DIS3L: variants seen among roughly 807,000 people sequenced by gnomAD.
DIS3L encodes the protein DIS3 like exosome 3'-5' exoribonuclease.
Under a neutral mutation model 120.3 loss-of-function variants are expected in DIS3L, and 100 were observed. The observed-to-expected ratio is 0.83, with a 90% CI of 0.71 to 0.98. The LOEUF (loss-of-function observed/expected upper bound fraction) is 0.98, where lower values mean the gene tolerates loss of function less well. Ranked by LOEUF, DIS3L falls within the 50% of genes least tolerant of loss-of-function variation. DIS3L has a pLI of 0.00. For synonymous variants in DIS3L, 426 were observed against 470.6 expected (o/e 0.91, Z 1.23); for missense variants, 1,196 against 1,314.2 (o/e 0.91, Z 1.39).
chr15:66,307,885 C>T (rs193097942), intron 3 of DIS3L, among the ~76,000 whole-genome samples: 8 of 152,304 alleles, frequency 5.3e-5, no homozygotes, highest in Admixed American at 2.0e-4. Flanking sequence ...GAATGTGCCT[C>T]AGAAGTTACC....
chr15:66,305,126 G>T (rs1322701770), intron 2 of DIS3L, among the ~76,000 whole-genome samples: 1 of 146,122 alleles, frequency 6.8e-6, no homozygotes, highest in African/African-American at 2.5e-5. Flanking sequence ...TCAACTTCCT[G>T]AGTAGCTGGG....
intron 3 of DIS3L, 65 bp downstream of exon 3, chr15:66,307,017 T>C: frequency 6.3e-7 from 1 of 1,597,024 alleles, no homozygotes; most frequent in Non-Finnish European, 8.6e-7. Context: ...TCATTGGCTG[T>C]TTGGGAGTTG....
chr15:66,308,956 C>A, intron 4 of DIS3L, 112 bp downstream of exon 4: 1 of 1,315,102 alleles, frequency 7.6e-7, no homozygotes, highest in South Asian at 1.8e-5. Flanking sequence ...ACATTAAGTT[C>A]CATTTTGGCC....
chr15:66,318,903 C>T (rs566360113), intron 8 of DIS3L, among the ~76,000 whole-genome samples: 17 of 152,180 alleles, frequency 1.1e-4, no homozygotes, highest in African/African-American at 4.1e-4. Flanking sequence ...AGCAGTTCCC[C>T]TGCCTCAGCC....
At chr15:66,314,457 G>A (rs561486101) in intron 6 of DIS3L, among the ~76,000 whole-genome samples, 6 of 152,220 alleles carry the variant, frequency 3.9e-5, no homozygotes, top group African/African-American at 9.6e-5. Flanking sequence ...TTGCTTTATT[G>A]GAGTAAATTT....
intron 8 of DIS3L, 139 bp from the exon 9 acceptor site, chr15:66,320,432 A>AAC: frequency 2.4e-6 from 2 of 836,152 alleles, no homozygotes; most frequent in Non-Finnish European, 3.4e-6. Context: ...CAAAAAAAAA[A>AAC]CCCTACCATA....
chr15:66,332,025 GT>G lies in DIS3L; in HGVS notation c.2681+7del. The G allele has an allele frequency of 6.2e-7, 1 of 1,605,010 alleles. No individual in the cohort carries two copies. The highest frequency in any genetic ancestry group is 8.5e-7 in the Non-Finnish European group (1 of 1,177,956). On this transcript the variant is annotated splice_donor_region_variant and intron_variant, in intron 15 of 16. Coordinates refer to ENST00000319212, the MANE Select transcript of DIS3L (RefSeq NM_001143688.3). Reference sequence around the variant, plus strand: ...TGTGCTTCTATTTATACCAAGGTATGTTACATCTAATGCAATGGTGCATAAG... The same window carrying G: ...TGTGCTTCTATTTATACCAAGGTATGTACATCTAATGCAATGGTGCATAAG...
intron 2 of DIS3L, among the ~76,000 whole-genome samples, chr15:66,296,274 A>G (rs2092585319): frequency 6.6e-6 from 1 of 152,228 alleles, no homozygotes; most frequent in African/African-American, 2.4e-5. Context: ...TTCCTGGGAC[A>G]TTCAAAGACA....
At chr15:66,317,354 A>G (rs2092829301) in intron 7 of DIS3L, among the ~76,000 whole-genome samples, 1 of 144,272 alleles carries the variant, frequency 6.9e-6, no homozygotes, top group African/African-American at 2.4e-5. Context: ...GGAAAAAAAA[A>G]AAAAAAAAGA....
intron 2 of DIS3L, among the ~76,000 whole-genome samples, chr15:66,306,128 G>T (rs911483862): frequency 1.3e-5 from 2 of 152,060 alleles, no homozygotes; most frequent in Admixed American, 6.6e-5. Flanking sequence ...ACAGGTGCAC[G>T]CTACCACGCT....
At chr15:66,323,645 G>T in intron 11 of DIS3L, 60 bp downstream of exon 11, 1 of 1,548,872 alleles carries the variant, frequency 6.5e-7, no homozygotes, top group Non-Finnish European at 8.9e-7. Context: ...TCCTGATGCT[G>T]CCTGCTTCTG....
At chr15:66,293,416 GA>G, upstream of DIS3L, 3 of 1,159,770 alleles carry the variant, frequency 2.6e-6, no homozygotes, top group Non-Finnish European at 1.1e-6. Context: ...TGAGGGAAGG[GA>G]AGAAACTAAG....
At chr15:66,296,372 C>T (rs1440923539) in intron 2 of DIS3L, among the ~76,000 whole-genome samples, 2 of 152,000 alleles carry the variant, frequency 1.3e-5, no homozygotes, top group Admixed American at 6.6e-5. Context: ...ACTGCCTTAC[C>T]ATGTCTTTGA....
chr15:66,314,257 C>A, intron 6 of DIS3L, 140 bp downstream of exon 6: 2 of 564,264 alleles, frequency 3.5e-6, no homozygotes, highest in Non-Finnish European at 5.5e-6. Context: ...GAGATTGTGG[C>A]GGGGGGTGGT....
chr15:66,332,971 A>G, intron 16 of DIS3L, 33 bp from the exon 17 acceptor site: 1 of 1,590,664 alleles, frequency 6.3e-7, no homozygotes, highest in Non-Finnish European at 8.5e-7. Context: ...AAATAATGTG[A>G]TTTAGTAATA....
chr15:66,301,740 T>A (rs1424045099), intron 2 of DIS3L, among the ~76,000 whole-genome samples: 1 of 152,224 alleles, frequency 6.6e-6, no homozygotes, highest in Non-Finnish European at 1.5e-5. Context: ...CTATATCATA[T>A]GTATGCGCTA....
intron 15 of DIS3L, 142 bp downstream of exon 15, chr15:66,332,162 A>T: frequency 1.1e-6 from 1 of 915,332 alleles, no homozygotes; most frequent in Non-Finnish European, 1.5e-6. Context: ...TTCAGTATAT[A>T]AATGTGAAGA....
intron 7 of DIS3L, 56 bp downstream of exon 7, chr15:66,315,271 TCTC>T (rs2092806075): frequency 7.9e-6 from 12 of 1,517,402 alleles, no homozygotes; most frequent in Admixed American, 2.0e-5. Flanking sequence ...ATTATATTTG[TCTC>T]CTCTTTAGCA....
chr15:66,322,709 C>A lies in DIS3L; in HGVS notation c.1349C>A (p.Thr450Lys). Residue 450 changes from threonine (T) to lysine (K), a missense_variant, in exon 10 of 17, where the codon ACA (threonine) becomes AAA (lysine). Thr to Lys is a moderately conservative substitution (Grantham distance 78, BLOSUM62 -1). Transcript: ENST00000319212. The stretch of plus-strand genomic sequence containing the variant: ...CAGATGTGTGAGATGCCAGTAAACA[C>A]ACCAGAAAGTCCCTGGAAGGTGAGT... ...EAQMCEMPVN[T>K]PESPWKVSPE... is the part of the protein sequence containing the mutation. 1 of 1,614,130 alleles carries A rather than the reference C, an allele frequency of 6.2e-7. No individual in the cohort carries two copies. Among genetic ancestry groups the A allele is most frequent in the Non-Finnish European group, 8.5e-7 (1 of 1,180,000 alleles).
Sources: allele counts gnomAD v4.1 joint callset (sites outside exome capture counted in the v4.1 genomes callset), GRCh38; gene constraint gnomAD v4.1.1; transcripts MANE v1.5; gene names NCBI Gene and HGNC (gene_info 2026-07-23, HGNC 2026-07-21).